MME: variants seen among roughly 807,000 people sequenced by gnomAD.
The protein encoded by MME is neprilysin.
Under a neutral mutation model 113.2 loss-of-function variants are expected in MME, and 98 were observed. The ratio of observed to expected loss-of-function variants is 0.87; its 90% CI spans 0.74 to 1.02. The LOEUF is 1.02. Ranked by LOEUF, MME falls within the 50% of genes least tolerant of loss-of-function variation. MME has a pLI of 0.00. For missense variants in MME, 836 were observed against 896.0 expected (o/e 0.93, Z 0.86); for synonymous variants, 292 against 300.6 (o/e 0.97, Z 0.30).
intron 1 of MME, among the ~76,000 whole-genome samples, chr3:155,054,525 T>A (rs930292011): frequency 2.6e-5 from 4 of 152,142 alleles, no homozygotes; most frequent in African/African-American, 9.7e-5. Context: ...ACTCACTGTA[T>A]AAGAAAAATG....
chr3:155,155,165 G>A (rs78995196), intron 16 of MME, among the ~76,000 whole-genome samples: 205 of 152,142 alleles, frequency 1.3e-3, no homozygotes, highest in African/African-American at 3.2e-3. Context: ...GTTTTGTTTC[G>A]TTTTGTTTTG....
chr3:155,093,030 C>A (rs1716424872), intron 3 of MME, among the ~76,000 whole-genome samples: 1 of 147,846 alleles, frequency 6.8e-6, no homozygotes, highest in Admixed American at 6.8e-5. Context: ...TTATGGTATA[C>A]AAATTAATAA....
chr3:155,064,567 T>C (rs1714323989), intron 1 of MME, among the ~76,000 whole-genome samples: 1 of 152,174 alleles, frequency 6.6e-6, no homozygotes, highest in African/African-American at 2.4e-5. Context: ...ACATATCACA[T>C]TGTATTTAGG....
intron 1 of MME, among the ~76,000 whole-genome samples, chr3:155,044,348 G>C (rs549142719): frequency 6.6e-6 from 1 of 151,728 alleles, no homozygotes; most frequent in African/African-American, 2.4e-5. Context: ...GGCCAGGCTG[G>C]TCTTGAACTC....
intron 4 of MME, among the ~76,000 whole-genome samples, chr3:155,115,840 A>G (rs909518829): frequency 6.6e-6 from 1 of 152,208 alleles, no homozygotes; most frequent in Non-Finnish European, 1.5e-5. Flanking sequence ...GTAAGATGTT[A>G]CTAAGATTTG....
intron 8 of MME, among the ~76,000 whole-genome samples, chr3:155,122,142 T>C (rs1289010994): frequency 6.9e-6 from 1 of 144,612 alleles, no homozygotes; most frequent in Non-Finnish European, 1.5e-5. Flanking sequence ...TGGTTTAGTC[T>C]TGGGAGAGTG....
intron 1 of MME, among the ~76,000 whole-genome samples, chr3:155,034,932 G>T (rs1250199753): frequency 1.3e-5 from 2 of 152,176 alleles, no homozygotes; most frequent in African/African-American, 4.8e-5. Flanking sequence ...GTGTTGAGCA[G>T]AATGGCGAAG....
At chr3:155,073,587 A>G (rs1399288766) in intron 1 of MME, among the ~76,000 whole-genome samples, 2 of 152,218 alleles carry the variant, frequency 1.3e-5, no homozygotes, top group Non-Finnish European at 1.5e-5. Context: ...AGAAGAGGAA[A>G]AAAAAGTGTC....
At chr3:155,133,423 T>G (rs1720330614) in intron 8 of MME, among the ~76,000 whole-genome samples, 1 of 151,694 alleles carries the variant, frequency 6.6e-6, no homozygotes, top group African/African-American at 2.4e-5. Flanking sequence ...ACTTGACCAG[T>G]TTAGCAGACT....
chr3:155,063,570 TA>T (rs1442409482), intron 1 of MME, among the ~76,000 whole-genome samples: 1 of 79,780 alleles, frequency 1.3e-5, no homozygotes, highest in Non-Finnish European at 2.8e-5. Flanking sequence ...AAATATAATA[TA>T]TTTTATTAAT....
chr3:155,078,946 G>A (rs148617721), upstream of MME, among the ~76,000 whole-genome samples: 54 of 152,054 alleles, frequency 3.6e-4, no homozygotes, highest in Non-Finnish European at 6.8e-4. Context: ...GAGGGTCCAG[G>A]CGCATTACGG....
chr3:155,095,627 G>A (rs773306771), intron 3 of MME, among the ~76,000 whole-genome samples: 10 of 151,816 alleles, frequency 6.6e-5, no homozygotes, highest in East Asian at 1.9e-4. Context: ...CAATCCACAC[G>A]CCTCAGCCTC....
chr3:155,141,214 C>G (rs1379505508), intron 10 of MME, among the ~76,000 whole-genome samples: 1 of 152,122 alleles, frequency 6.6e-6, no homozygotes, highest in Non-Finnish European at 1.5e-5. Flanking sequence ...AGACATCTTA[C>G]ATAGAATTTT....
chr3:155,130,952 C>G (rs1029784511), intron 8 of MME, among the ~76,000 whole-genome samples: 1 of 152,030 alleles, frequency 6.6e-6, no homozygotes, highest in Non-Finnish European at 1.5e-5. Flanking sequence ...TCCTTGTTCT[C>G]ATGGAACTCA....
At position 155,142,086 on chromosome 3, in the gene MME, T is replaced by C. The variant is rs1721143853; in HGVS notation, c.1053T>C (p.Tyr351=). 1.2e-6 allele frequency: 2 copies of C among 1,613,868 alleles called. No individual in the cohort carries two copies. The highest frequency in any genetic ancestry group is 8.5e-7 in the Non-Finnish European group (1 of 1,179,830). ...EEDVVVYAPE[Y]LTKLKPILTK... ...ATGTGGTTGTTTATGCTCCAGAATATTTAACCAAACTTAAGCCCATTCTTA... is the reference window on the plus strand; with the variant it reads ...ATGTGGTTGTTTATGCTCCAGAATACTTAACCAAACTTAAGCCCATTCTTA... The change falls in exon 11 of 23, where the codon TAT becomes TAC. Residue 351 remains tyrosine, a synonymous_variant. Transcript: ENST00000360490.
At chr3:155,085,472 G>A (rs796485261) in intron 3 of MME, 14 of 159,272 alleles carry the variant, frequency 8.8e-5, no homozygotes, top group African/African-American at 2.9e-4. Context: ...GTGAGATGTA[G>A]GCATGTAAAT....
At chr3:155,100,304 CTCA>C (rs1285124230) in intron 3 of MME, among the ~76,000 whole-genome samples, 1 of 152,154 alleles carries the variant, frequency 6.6e-6, no homozygotes, top group Non-Finnish European at 1.5e-5. Flanking sequence ...TGAAAAAATG[CTCA>C]TCATCACTGG....
chr3:155,166,856 A>T (rs1723131456), intron 17 of MME, 46 bp from the exon 18 acceptor site: 1 of 1,612,642 alleles, frequency 6.2e-7, no homozygotes, highest in African/African-American at 1.3e-5. Flanking sequence ...AAAAATTTTA[A>T]AAACTTATGC....
chr3:155,170,704 T>C (rs1016255701), intron 20 of MME, among the ~76,000 whole-genome samples: 1 of 152,080 alleles, frequency 6.6e-6, no homozygotes, highest in African/African-American at 2.4e-5. Context: ...ATCTCTGAGG[T>C]TCTCTTTTTG....
Sources: gnomAD v4.1 joint callset for allele counts (sites outside exome capture counted in the v4.1 genomes callset) on GRCh38, gnomAD v4.1.1 for gene constraint, MANE v1.5 for transcripts, NCBI Gene and HGNC (gene_info 2026-07-23, HGNC 2026-07-21) for gene names.